BTBD1: variants seen among roughly 807,000 people sequenced by gnomAD.
BTBD1 encodes BTB domain containing 1, also known as BTB/POZ domain-containing protein 1.
BTBD1 carries 34 observed loss-of-function variants against 48.0 expected under a neutral mutation model. The ratio of observed to expected loss-of-function variants is 0.71; its 90% CI spans 0.54 to 0.94. BTBD1 has a LOEUF of 0.94. BTBD1 is among the 40% of genes least tolerant of loss of function. The pLI, the probability that BTBD1 is intolerant of heterozygous loss-of-function variation, is 0.00. For missense variants in BTBD1, 543 were observed against 625.6 expected, an observed-to-expected ratio of 0.87 and a Z score of 1.41; for synonymous variants, 261 against 242.1, an observed-to-expected ratio of 1.08 and a Z score of -0.72.
intron 7 of BTBD1, 116 bp downstream of exon 7, chr15:83,018,591 G>A: frequency 8.4e-7 from 1 of 1,185,324 alleles, no homozygotes; most frequent in South Asian, 1.7e-5. Flanking sequence ...TTAGCTCCCA[G>A]CTTCTTTTCC....
At chr15:83,052,726 G>C (rs1389471464) in intron 2 of BTBD1, among the ~76,000 whole-genome samples, 3 of 149,216 alleles carry the variant, frequency 2.0e-5, no homozygotes, top group Non-Finnish European at 4.4e-5. Flanking sequence ...TGCCTCCCGG[G>C]TTCACACCAT....
At chr15:83,042,495 T>C (rs1048545194) in intron 3 of BTBD1, among the ~76,000 whole-genome samples, 4 of 151,666 alleles carry the variant, frequency 2.6e-5, no homozygotes, top group Admixed American at 6.6e-5. Context: ...GCAATTCTCC[T>C]GCCTCAGCCT....
Position 83,041,933 on chromosome 15 carries a change from C to G in BTBD1, c.665-8G>C. On this transcript the variant is annotated splice_region_variant and splice_polypyrimidine_tract_variant and intron_variant, in intron 3 of 7. Coordinates refer to ENST00000261721, the MANE Select transcript of BTBD1 (RefSeq NM_025238.4). ...AAACTGCACAGAGTGTATCTATAGG[C>G]AAAATACAAAATAAACCCAATTAGA... The G allele has an allele frequency of 6.2e-7, 1 of 1,610,902 alleles. No homozygotes were observed. Among genetic ancestry groups the G allele is most frequent in the Non-Finnish European group, 8.5e-7 (1 of 1,177,422 alleles).
At chr15:83,064,226 G>A (rs2033223575) in intron 1 of BTBD1, among the ~76,000 whole-genome samples, 1 of 152,060 alleles carries the variant, frequency 6.6e-6, no homozygotes, top group African/African-American at 2.4e-5. Flanking sequence ...TTTTTGTCAC[G>A]TATTAGCTAA....
intron 4 of BTBD1, 23 bp downstream of exon 4, chr15:83,041,705 T>C: frequency 1.9e-6 from 3 of 1,607,962 alleles, no homozygotes; most frequent in Non-Finnish European, 2.6e-6. Context: ...TTCAAATAGA[T>C]TTTGGTGAAT....
chr15:83,024,564 C>T (rs2032368181), intron 5 of BTBD1, among the ~76,000 whole-genome samples: 1 of 152,208 alleles, frequency 6.6e-6, no homozygotes, highest in South Asian at 2.1e-4. Flanking sequence ...TTTTAATTTA[C>T]ATCAATACAG....
At chr15:83,053,204 A>C (rs560403869) in intron 2 of BTBD1, among the ~76,000 whole-genome samples, 2 of 152,186 alleles carry the variant, frequency 1.3e-5, no homozygotes, top group Non-Finnish European at 2.9e-5. Context: ...TCTATAAATC[A>C]TGCTGGTACA....
chr15:83,050,485 A>G (rs982635926), intron 2 of BTBD1, among the ~76,000 whole-genome samples: 3 of 150,388 alleles, frequency 2.0e-5, no homozygotes, highest in African/African-American at 4.9e-5. Context: ...ATTCTTATAC[A>G]TTACTTATTC....
At chr15:83,061,395 CAG>C (rs1429539579) in intron 1 of BTBD1, 1 of 152,198 alleles carries the variant, frequency 6.6e-6, no homozygotes, top group Non-Finnish European at 1.5e-5. Context: ...GTCCTAATAA[CAG>C]AAGTATATAT....
chr15:83,064,795 T>A (rs77099528), intron 1 of BTBD1, among the ~76,000 whole-genome samples: 4 of 152,116 alleles, frequency 2.6e-5, no homozygotes, highest in African/African-American at 4.8e-5. Flanking sequence ...AAAATCCAAA[T>A]GAACTATACC....
chr15:83,042,348 T>A lies in BTBD1; in HGVS notation c.665-423A>T, dbSNP rs887267463. Among the ~76,000 whole-genome samples, 31 of 109,880 alleles carry A rather than the reference T, an allele frequency of 2.8e-4. 1 individual carries two copies. Among genetic ancestry groups the A allele is most frequent in the African/African-American group, 1.1e-3 (29 of 26,948 alleles). The allele number at this position is 109,880 out of a possible 152,430, so 72.1% of individuals were successfully genotyped here. A position where few individuals can be genotyped will look rare whatever the true frequency, so the allele number is the denominator to read the frequency against. On this transcript the variant is annotated intron_variant, in intron 3 of 7. Coordinates refer to ENST00000261721, the MANE Select transcript of BTBD1 (RefSeq NM_025238.4). ...ACGTGCCAGGTACTATTAGGCAATT[T>A]TATATATATATATATATATATATAT...
intron 3 of BTBD1, among the ~76,000 whole-genome samples, chr15:83,042,374 A>ATATATATATATATATATG (rs1555440271): frequency 1.6e-4 from 19 of 121,966 alleles, no homozygotes; most frequent in Non-Finnish European, 3.2e-4. Flanking sequence ...ATATATATAT[A>ATATATATATATATATATG]TATGTATGTA....
intron 1 of BTBD1, among the ~76,000 whole-genome samples, chr15:83,057,802 G>A (rs1020605691): frequency 2.6e-5 from 4 of 152,156 alleles, no homozygotes; most frequent in Non-Finnish European, 4.4e-5. Context: ...ATTAAACTCC[G>A]TCTCCAACTT....
At chr15:83,041,214 C>T in intron 4 of BTBD1, among the ~76,000 whole-genome samples, 1 of 150,514 alleles carries the variant, frequency 6.6e-6, no homozygotes, top group Admixed American at 6.6e-5. Flanking sequence ...TGGGGTAAGG[C>T]ACTCAACCTC....
At chr15:83,028,312 ATTGT>A (rs1408389773) in intron 5 of BTBD1, among the ~76,000 whole-genome samples, 7 of 152,168 alleles carry the variant, frequency 4.6e-5, no homozygotes, top group African/African-American at 1.4e-4. Flanking sequence ...TTGAAATTAA[ATTGT>A]TTTTCTTCTT....
chr15:83,033,755 T>A, intron 4 of BTBD1, among the ~76,000 whole-genome samples: 1 of 152,060 alleles, frequency 6.6e-6, no homozygotes, highest in East Asian at 1.9e-4. Flanking sequence ...TTTTTAAATT[T>A]TTTTTTGTAA....
At chr15:83,026,928 C>A (rs976717767) in intron 5 of BTBD1, among the ~76,000 whole-genome samples, 5 of 152,092 alleles carry the variant, frequency 3.3e-5, no homozygotes, top group African/African-American at 1.2e-4. Flanking sequence ...ATTTAATATA[C>A]AGAATTAGCA....
At chr15:83,066,205 C>A (rs1003788509) in intron 1 of BTBD1, among the ~76,000 whole-genome samples, 2 of 152,044 alleles carry the variant, frequency 1.3e-5, no homozygotes, top group Admixed American at 1.3e-4. Context: ...AGGCTGAGGT[C>A]GGAGCATCAC....
intron 6 of BTBD1, among the ~76,000 whole-genome samples, chr15:83,019,140 A>T (rs1163241165): frequency 6.7e-6 from 1 of 149,892 alleles, no homozygotes; most frequent in East Asian, 2.0e-4. Context: ...GCTCACTGAA[A>T]CCTCCACTTC....
Sources: gnomAD v4.1 joint callset for allele counts (sites outside exome capture counted in the v4.1 genomes callset) on GRCh38, gnomAD v4.1.1 for gene constraint, MANE v1.5 for transcripts, NCBI Gene and HGNC (gene_info 2026-07-23, HGNC 2026-07-21) for gene names.